Variants in ADAMTSL1 observed in about 807,000 individuals in gnomAD.
ADAMTSL1 encodes the protein ADAMTS-like protein 1.
In ADAMTSL1, 126 loss-of-function variants were observed where a neutral mutation model predicts 201.8. The ratio of observed to expected loss-of-function variants is 0.62; its 90% confidence interval spans 0.54 to 0.72. The LOEUF is 0.72. ADAMTSL1 is among the 30% of genes least tolerant of loss of function. The pLI, the probability that ADAMTSL1 is intolerant of heterozygous loss-of-function variation, is 0.00. For missense variants in ADAMTSL1, 2,679 were observed against 2,277.8 expected (o/e 1.18, Z -3.59); for synonymous variants, 1,121 against 903.4 (o/e 1.24, Z -4.32).
chr9:18,312,744 G>C lies in ADAMTSL1; in HGVS notation c.207+148763G>C, dbSNP rs1392973474. ...TGCCCCCACCCCAGCCTCTCTGACT[G>C]TCTTAAGGTCTTTGAAAGTGCCCAA... On this transcript the variant is annotated intron_variant, in intron 2 of 29. Transcript: ENST00000680146. 2.0e-5 allele frequency among the ~76,000 whole-genome samples: 3 copies of C among 152,270 alleles called. No homozygotes were observed. The East Asian group carries it at 5.8e-4, about 29-fold the overall frequency.
intron 4 of ADAMTSL1, among the ~76,000 whole-genome samples, chr9:18,580,565 A>G (rs1823032249): frequency 6.6e-6 from 1 of 152,222 alleles, no homozygotes; most frequent in Non-Finnish European, 1.5e-5. Context: ...AGATAAAACT[A>G]ACTACTACTT....
chr9:18,768,251 G>A (rs1409312761), intron 16 of ADAMTSL1, among the ~76,000 whole-genome samples: 3 of 152,272 alleles, frequency 2.0e-5, no homozygotes, highest in African/African-American at 4.8e-5. Flanking sequence ...ATGAAGCAAC[G>A]GTCACACTAC....
At chr9:17,979,613 A>C (rs1237758687) in intron 1 of ADAMTSL1, among the ~76,000 whole-genome samples, 2 of 150,786 alleles carry the variant, frequency 1.3e-5, no homozygotes, top group Non-Finnish European at 2.9e-5. Flanking sequence ...AGTGACTTTG[A>C]ATTCTTAGGA....
At chr9:18,457,589 C>G (rs1820654140) in intron 2 of ADAMTSL1, among the ~76,000 whole-genome samples, 1 of 152,176 alleles carries the variant, frequency 6.6e-6, no homozygotes, top group Admixed American at 6.5e-5. Context: ...CTGCCTCAGC[C>G]TCCTTAAGTG....
chr9:18,703,693 C>A (rs891832659), intron 13 of ADAMTSL1, among the ~76,000 whole-genome samples: 3 of 50,448 alleles, frequency 5.9e-5, no homozygotes, highest in East Asian at 4.0e-4. Context: ...CACGTGCATG[C>A]GCACATACAT....
intron 2 of ADAMTSL1, among the ~76,000 whole-genome samples, chr9:18,184,903 C>T (rs1376863154): frequency 6.6e-6 from 1 of 152,030 alleles, no homozygotes; most frequent in Admixed American, 6.6e-5. Flanking sequence ...TCACGAAAGG[C>T]CCTTTGGTCT....
chr9:18,906,594 A>G (rs1830323032), intron 27 of ADAMTSL1, 98 bp from the exon 28 acceptor site: 1 of 995,896 alleles, frequency 1.0e-6, no homozygotes, highest in Non-Finnish European at 1.4e-6. Context: ...TTCTTGAGGA[A>G]CCACCTAACA....
Position 18,642,499 on chromosome 9 carries a change from G to C in ADAMTSL1, c.834+3088G>C, listed in dbSNP as rs186742861. On this transcript the variant is annotated intron_variant, in intron 7 of 28. Transcript: ENST00000380548. ...ATACAATACATTGTTATTAACTGCA[G>C]CCACCGTGTTGTAGGTAGATCTCCT... 2.1e-3 allele frequency among the ~76,000 whole-genome samples: 312 copies of C among 152,002 alleles called. 1 individual carries two copies. The highest frequency in any genetic ancestry group is 7.3e-3 in the African/African-American group (301 of 41,496).
rs533545222 is a variant in ADAMTSL1, at chr9:17,913,022, T to C, written c.87+6100T>C. The stretch of plus-strand genomic sequence containing the variant: ...GATATGTGGCGTTATTTCTGAGGGC[T>C]CTGTTCTGTTCTGTTCTGTTTCATT... On this transcript the variant is annotated intron_variant, in intron 1 of 29. Coordinates refer to the ADAMTSL1 transcript ENST00000680146. 8.7e-4 allele frequency among the ~76,000 whole-genome samples: 132 copies of C among 152,306 alleles called. 1 individual carries two copies. The highest frequency in any genetic ancestry group is 3.0e-3 in the African/African-American group (125 of 41,568).
At chr9:18,503,340 G>A (rs572203065) in intron 1 of ADAMTSL1, among the ~76,000 whole-genome samples, 1 of 150,056 alleles carries the variant, frequency 6.7e-6, no homozygotes, top group South Asian at 2.1e-4. Context: ...ATTTCACTTC[G>A]TGTCATGTCT....
In ADAMTSL1 at chr9:18,710,661, G is replaced by GTTTTTTTT. The variant is rs1352571180; in HGVS notation, c.1876+3617_1876+3618insTTTTTTTT. Among the ~76,000 whole-genome samples the GTTTTTTTT allele has an allele frequency of 6.3e-5, 5 of 79,644 alleles. 1 individual carries two copies. Among genetic ancestry groups the GTTTTTTTT allele is most frequent in the Admixed American group, 3.4e-4 (2 of 5,838 alleles). 52.2% of individuals were successfully genotyped at this position (79,644 alleles called of 152,430 possible). A position where few individuals can be genotyped will look rare whatever the true frequency, so the allele number is the denominator to read the frequency against. ...TCCTTGCAGTCTTAGAAGGGCCTAAGTTTTGTTTTGTTTTTTTTTTTTTTT... is the reference window on the plus strand; with the variant it reads ...TCCTTGCAGTCTTAGAAGGGCCTAAGTTTTTTTTTTTTGTTTTGTTTTTTTTTTTTTTT... On this transcript the variant is annotated intron_variant, in intron 14 of 28. Transcript: ENST00000380548.
At chr9:17,976,702 C>G (rs1359248872) in intron 1 of ADAMTSL1, among the ~76,000 whole-genome samples, 1 of 151,322 alleles carries the variant, frequency 6.6e-6, no homozygotes, top group Admixed American at 6.6e-5. Flanking sequence ...TGCTCTCGCT[C>G]TCTCTCTCTC....
intron 5 of ADAMTSL1, among the ~76,000 whole-genome samples, chr9:18,623,607 T>C (rs1047134205): frequency 6.6e-6 from 1 of 152,206 alleles, no homozygotes; most frequent in African/African-American, 2.4e-5. Context: ...CAAGTTCTCA[T>C]GGTACCTACG....
intron 1 of ADAMTSL1, among the ~76,000 whole-genome samples, chr9:17,999,704 C>T (rs1563941917): frequency 5.3e-5 from 8 of 150,970 alleles, no homozygotes; most frequent in Admixed American, 4.0e-4. Flanking sequence ...GCTGCACCCA[C>T]TAACTCGTCA....
At chr9:18,700,210 G>A (rs951371692) in intron 13 of ADAMTSL1, among the ~76,000 whole-genome samples, 1 of 152,166 alleles carries the variant, frequency 6.6e-6, no homozygotes, top group Non-Finnish European at 1.5e-5. Context: ...GATTTTACAA[G>A]TAATTTTAAA....
At chr9:18,901,619 T>G (rs1416190105) in intron 26 of ADAMTSL1, among the ~76,000 whole-genome samples, 1 of 152,134 alleles carries the variant, frequency 6.6e-6, no homozygotes, top group Non-Finnish European at 1.5e-5. Flanking sequence ...CTTTGGGATA[T>G]TATATGTAAT....
intron 1 of ADAMTSL1, among the ~76,000 whole-genome samples, chr9:17,960,780 T>C (rs1344772284): frequency 6.6e-6 from 1 of 152,222 alleles, no homozygotes; most frequent in East Asian, 1.9e-4. Flanking sequence ...ACTTTATAGA[T>C]TTCATTTACA....
At chr9:18,270,374 C>G (rs1832309243) in intron 2 of ADAMTSL1, among the ~76,000 whole-genome samples, 1 of 152,094 alleles carries the variant, frequency 6.6e-6, no homozygotes, top group African/African-American at 2.4e-5. Context: ...CACAAACGTT[C>G]AGACCATAGG....
intron 1 of ADAMTSL1, among the ~76,000 whole-genome samples, chr9:17,967,696 A>G (rs1262607906): frequency 2.0e-5 from 3 of 151,926 alleles, no homozygotes. Flanking sequence ...TTCTTCCTTT[A>G]TAGATTTCTA....
Sources: gnomAD v4.1 joint callset for allele counts (sites outside exome capture counted in the v4.1 genomes callset) on GRCh38, gnomAD v4.1.1 for gene constraint, MANE v1.5 for transcripts, NCBI Gene and HGNC (gene_info 2026-07-23, HGNC 2026-07-21) for gene names.